Variants in CEP192 observed in about 807,000 individuals in gnomAD.
CEP192 encodes centrosomal protein of 192 kDa.
A neutral mutation model predicts 271.8 loss-of-function variants in CEP192; 151 were observed. The observed-to-expected ratio is 0.56, with a 90% CI of 0.49 to 0.64. The LOEUF is 0.64. Ranked by LOEUF, CEP192 falls within the 30% of genes least tolerant of loss-of-function variation. The pLI, the probability that CEP192 is intolerant of heterozygous loss-of-function variation, is 0.00. For synonymous variants in CEP192, 995 were observed against 1,076.5 expected (o/e 0.92, Z 1.48); for missense variants, 2,910 against 3,020.5 (o/e 0.96, Z 0.86).
chr18:13,050,325 A>G (rs1187377767), intron 17 of CEP192, among the ~76,000 whole-genome samples: 1 of 152,222 alleles, frequency 6.6e-6, no homozygotes, highest in Non-Finnish European at 1.5e-5. Flanking sequence ...TTGCCTAACC[A>G]GCAAAATTAT....
rs943242061 is a variant in CEP192 at position 13,056,171 on chromosome 18, A to G, written c.3581A>G (p.Asp1194Gly). 2.7e-5 allele frequency: 43 copies of G among 1,613,860 alleles called. No homozygotes were observed. Among genetic ancestry groups the G allele is most frequent in the Non-Finnish European group, 3.4e-5 (40 of 1,179,928 alleles). Residue 1194 changes from aspartate (D) to glycine (G), a missense_variant, in exon 19 of 45, where the codon GAT (aspartate) becomes GGT (glycine). Transcript: ENST00000506447. ...CCTGTGTCCTGCCAGGAGCCTATAGATGAAGATCAAAGAATAAGTCCTAAA... is the reference window on the plus strand; with the variant it reads ...CCTGTGTCCTGCCAGGAGCCTATAGGTGAAGATCAAAGAATAAGTCCTAAA... ...SHPVSCQEPI[D>G]EDQRISPKDK... is the part of the protein sequence containing the mutation.
chr18:13,032,728 A>G (rs1229580568), intron 11 of CEP192, among the ~76,000 whole-genome samples: 1 of 152,180 alleles, frequency 6.6e-6, no homozygotes, highest in Non-Finnish European at 1.5e-5. Context: ...ATCAGCCCCA[A>G]ATTCTCAAAT....
At chr18:13,005,369 G>A (rs1599040124) in intron 3 of CEP192, among the ~76,000 whole-genome samples, 1 of 152,240 alleles carries the variant, frequency 6.6e-6, no homozygotes, top group East Asian at 1.9e-4. Context: ...AGTCTTAAGG[G>A]GCTTGGAGTG....
chr18:13,111,722 G>A (rs1326262675), intron 40 of CEP192, among the ~76,000 whole-genome samples: 1 of 152,204 alleles, frequency 6.6e-6, no homozygotes, highest in Admixed American at 6.5e-5. Context: ...TGCAAATGAT[G>A]TATTTGACAA....
At chr18:13,114,063 A>G in intron 41 of CEP192, 67 bp from the exon 42 acceptor site, 1 of 1,511,936 alleles carries the variant, frequency 6.6e-7, no homozygotes, top group Admixed American at 2.2e-5. Flanking sequence ...GAATTCAAAT[A>G]AGTAAATGTC....
At chr18:13,103,928 A>G (rs752825326) in intron 39 of CEP192, 1 of 457,768 alleles carries the variant, frequency 2.2e-6, no homozygotes, top group South Asian at 1.6e-5. Flanking sequence ...GACCTCAAGC[A>G]ATCTTCCCAC....
chr18:12,997,233 A>G (rs561860051), intron 1 of CEP192, among the ~76,000 whole-genome samples: 149 of 152,124 alleles, frequency 9.8e-4, no homozygotes, highest in African/African-American at 3.4e-3. Context: ...TAGGAATCAG[A>G]CCGAGGGGTT....
intron 30 of CEP192, among the ~76,000 whole-genome samples, chr18:13,083,090 T>A (rs2038709656): frequency 6.6e-6 from 1 of 152,214 alleles, no homozygotes; most frequent in African/African-American, 2.4e-5. Context: ...AATCTGACAA[T>A]TATGTGCCTT....
At chr18:13,114,715 A>G (rs74497658) in intron 42 of CEP192, among the ~76,000 whole-genome samples, 1,570 of 152,326 alleles carry the variant, frequency 0.01, 17 homozygotes, top group East Asian at 0.037. Flanking sequence ...GCATTTCTAA[A>G]GATGACATAC....
chr18:13,063,550 T>C (rs1282204079), intron 21 of CEP192, among the ~76,000 whole-genome samples: 1 of 152,182 alleles, frequency 6.6e-6, no homozygotes, highest in African/African-American at 2.4e-5. Context: ...TTTTGCCCAG[T>C]TTTTGATTGG....
In CEP192 at chr18:13,103,542, C is replaced by G; in HGVS notation, c.6905C>G (p.Thr2302Arg). ...SCLELENHGT[T>R]DVKWHLSSLA... ...CTAGAACTCGAGAATCATGGCACCA[C>G]AGACGTGAAATGGCATCTGTCATCT... Residue 2302 changes from threonine to arginine, a missense_variant, in exon 39 of 45, where the codon ACA becomes AGA. Thr to Arg is a moderately conservative substitution (Grantham distance 71). Transcript: ENST00000506447. 1 of 1,613,982 alleles carries G rather than the reference C, an allele frequency of 6.2e-7. No individual in the cohort carries two copies. Among genetic ancestry groups the G allele is most frequent in the Non-Finnish European group, 8.5e-7 (1 of 1,179,926 alleles).
intron 15 of CEP192, among the ~76,000 whole-genome samples, chr18:13,047,240 G>T (rs2036532434): frequency 6.6e-6 from 1 of 152,184 alleles, no homozygotes; most frequent in Non-Finnish European, 1.5e-5. Context: ...TTGGAGCTGA[G>T]CCTCATCCTT....
Position 13,069,017 on chromosome 18 carries a change from T to G in CEP192, c.4962+26T>G. The G allele has an allele frequency of 1.9e-6, 3 of 1,614,154 alleles. No individual in the cohort carries two copies. The South Asian group carries it at 3.3e-5, about 18-fold the overall frequency. On this transcript the variant is annotated intron_variant, in intron 25 of 44. Coordinates refer to ENST00000506447, the MANE Select transcript of CEP192 (RefSeq NM_032142.4). ...GTAGCCTCAGTCCTCCTTTCTGCCG[T>G]TACTGCTTTCATTCATGCTGATTTC... is the stretch of plus-strand genomic sequence containing the variant.
chr18:13,008,175 T>C (rs967317638), intron 3 of CEP192, among the ~76,000 whole-genome samples: 1 of 152,218 alleles, frequency 6.6e-6, no homozygotes, highest in Non-Finnish European at 1.5e-5. Flanking sequence ...AGGATACTTA[T>C]TTTGGAAGTA....
In CEP192 at chr18:13,052,949, T is replaced by TCAGCAG. The variant is rs1234476784; in HGVS notation, c.3056_3061dup (p.Gln1019_Gln1020dup). On this transcript the variant is annotated inframe_insertion, in exon 18 of 45. Coordinates refer to ENST00000506447, the MANE Select transcript of CEP192 (RefSeq NM_032142.4). The stretch of plus-strand genomic sequence containing the variant: ...CGTTAGAGTCCTTTGGTTCAGCAGC[T>TCAGCAG]CAGCAGCAGCAGCCTCCCTGTGAGC... The TCAGCAG allele has an allele frequency of 3.0e-5, 49 of 1,610,956 alleles. No homozygotes were observed. The highest frequency in any genetic ancestry group is 4.2e-5 in the Non-Finnish European group (49 of 1,178,170).
chr18:13,100,555 T>C lies in CEP192; in HGVS notation c.6871+43T>C, dbSNP rs117773045. The stretch of plus-strand genomic sequence containing the variant: ...TATGTAATTCAAATGTCTGCTGATA[T>C]ATTGAGTCTAATGCTTTATTCTTAG... On this transcript the variant is annotated intron_variant, in intron 38 of 44. Transcript: ENST00000506447. 4,410 of 1,419,170 alleles carry C rather than the reference T, an allele frequency of 3.1e-3. 12 individuals are homozygous for C. Among genetic ancestry groups the C allele is most frequent in the Admixed American group, 4.7e-3 (277 of 59,226 alleles). 87.9% of individuals were successfully genotyped at this position (1,419,170 alleles called of 1,614,324 possible).
Position 13,117,581 on chromosome 18 carries a change from C to A in CEP192, c.7417-4C>A, listed in dbSNP as rs761027487. 2.5e-6 allele frequency: 4 copies of A among 1,602,752 alleles called. No homozygotes were observed. The highest frequency in any genetic ancestry group is 3.4e-6 in the Non-Finnish European group (4 of 1,169,922). On this transcript the variant is annotated splice_polypyrimidine_tract_variant and splice_region_variant and intron_variant, in intron 43 of 44. Coordinates refer to ENST00000506447, the MANE Select transcript of CEP192 (RefSeq NM_032142.4). ...TTTATAAAGTGTCTTCTATTAAATT[C>A]CAGCTGAAGTTTTTGAGTCCCAGAG... is the stretch of plus-strand genomic sequence containing the variant.
intron 3 of CEP192, among the ~76,000 whole-genome samples, chr18:13,006,442 T>A (rs571563620): frequency 3.3e-5 from 5 of 152,274 alleles, no homozygotes; most frequent in South Asian, 4.2e-4. Context: ...ACTGTAGGAC[T>A]TGAATATTGC....
At chr18:13,007,391 G>T (rs144118569) in intron 3 of CEP192, among the ~76,000 whole-genome samples, 13 of 152,168 alleles carry the variant, frequency 8.5e-5, no homozygotes, top group African/African-American at 3.1e-4. Flanking sequence ...GGTGAATGTC[G>T]AGTGCCCTGC....
Sources: gnomAD v4.1 joint callset for allele counts (sites outside exome capture counted in the v4.1 genomes callset) on GRCh38, gnomAD v4.1.1 for gene constraint, MANE v1.5 for transcripts, NCBI Gene and HGNC (gene_info 2026-07-23, HGNC 2026-07-21) for gene names.